XPR1: variants seen among roughly 807,000 people sequenced by gnomAD.
XPR1 encodes solute carrier family 53 member 1.
A neutral mutation model predicts 87.5 loss-of-function variants in XPR1; 28 were observed. The observed-to-expected ratio is 0.32, with a 90% CI of 0.24 to 0.44. The LOEUF (loss-of-function observed/expected upper bound fraction) is 0.44. Ranked by LOEUF, XPR1 falls within the 20% of genes least tolerant of loss-of-function variation. The pLI is 1.00. For synonymous variants in XPR1, 300 were observed against 306.1 expected (o/e 0.98, Z 0.21); for missense variants, 559 against 862.3 (o/e 0.65, Z 4.41).
At chr1:180,797,772 G>A (rs1163116119) in intron 3 of XPR1, among the ~76,000 whole-genome samples, 1 of 151,980 alleles carries the variant, frequency 6.6e-6, no homozygotes, top group Non-Finnish European at 1.5e-5. Flanking sequence ...ATTTTTTCAG[G>A]TAGCTTCTAA....
chr1:180,738,586 C>CCA (rs1170361823), intron 2 of XPR1, among the ~76,000 whole-genome samples: 1 of 152,118 alleles, frequency 6.6e-6, no homozygotes, highest in Non-Finnish European at 1.5e-5. Context: ...AGTTATGTAA[C>CCA]CATCACAATC....
At chr1:180,689,301 T>A (rs1330678264) in intron 2 of XPR1, among the ~76,000 whole-genome samples, 1 of 152,166 alleles carries the variant, frequency 6.6e-6, no homozygotes, top group African/African-American at 2.4e-5. Context: ...AAAAAATGAC[T>A]TTGCATTTTT....
chr1:180,773,556 G>A (rs1392843127), intron 2 of XPR1, among the ~76,000 whole-genome samples: 1 of 152,028 alleles, frequency 6.6e-6, no homozygotes, highest in African/African-American at 2.4e-5. Context: ...ATGTAAAATT[G>A]TACTCATACT....
rs1373233471 is a variant in XPR1 at position 180,782,127 on chromosome 1, ATTC to A, written c.122-5623_122-5621del. On this transcript the variant is annotated intron_variant, in intron 2 of 14. Transcript: ENST00000367590. ...TCTCTAAGACAGTGTTCTCAAAGTC[ATTC>A]TTTACCTGTTTTTTATTTTTTTTCT... is the stretch of plus-strand genomic sequence containing the variant. Among the ~76,000 whole-genome samples the A allele has an allele frequency of 4.9e-4, 75 of 151,586 alleles. 2 individuals are homozygous for A. Among genetic ancestry groups the A allele is most frequent in the Non-Finnish European group, 1.1e-3 (74 of 67,738 alleles).
intron 2 of XPR1, among the ~76,000 whole-genome samples, chr1:180,766,793 T>G (rs1430035564): frequency 6.6e-6 from 1 of 152,186 alleles, no homozygotes; most frequent in East Asian, 1.9e-4. Context: ...TTTTTATGCC[T>G]TATTATTTCT....
intron 5 of XPR1, 70 bp downstream of exon 5, chr1:180,806,281 A>G: frequency 6.4e-7 from 1 of 1,572,382 alleles, no homozygotes; most frequent in South Asian, 1.2e-5. Flanking sequence ...GCAATTCCTT[A>G]TTTCTGTTAT....
At chr1:180,876,646 AAAG>A (rs1652672602) in intron 13 of XPR1, among the ~76,000 whole-genome samples, 1 of 146,026 alleles carries the variant, frequency 6.8e-6, no homozygotes, top group African/African-American at 2.8e-5. Context: ...AAAAAAAAAA[AAAG>A]AAAGAAACCT....
At chr1:180,850,605 C>T (rs2102189070) in intron 11 of XPR1, among the ~76,000 whole-genome samples, 1 of 152,052 alleles carries the variant, frequency 6.6e-6, no homozygotes, top group East Asian at 1.9e-4. Context: ...AGTTTCTGCC[C>T]ATATGTATGT....
chr1:180,699,122 C>A (rs1031925660), intron 2 of XPR1, among the ~76,000 whole-genome samples: 4 of 151,654 alleles, frequency 2.6e-5, no homozygotes, highest in Non-Finnish European at 5.9e-5. Context: ...ATCATTTCAC[C>A]TTCTGGGATT....
At chr1:180,636,624 A>G (rs1654784523) in intron 1 of XPR1, among the ~76,000 whole-genome samples, 1 of 152,200 alleles carries the variant, frequency 6.6e-6, no homozygotes, top group African/African-American at 2.4e-5. Flanking sequence ...CCTAGCTTCA[A>G]ATTCAGTCCT....
intron 3 of XPR1, among the ~76,000 whole-genome samples, chr1:180,793,883 C>G (rs1367778374): frequency 6.6e-6 from 1 of 152,042 alleles, no homozygotes; most frequent in East Asian, 1.9e-4. Context: ...CCTTCTGTCT[C>G]TCTCCTATTT....
intron 1 of XPR1, among the ~76,000 whole-genome samples, chr1:180,663,631 T>C (rs554881535): frequency 2.6e-5 from 4 of 152,306 alleles, no homozygotes; most frequent in African/African-American, 9.6e-5. Context: ...AGGACTGCTA[T>C]AACCACCACC....
rs1652939380 is a variant in XPR1 at position 180,884,391 on chromosome 1, G to A, written c.*325G>A. Reference sequence around the variant, plus strand: ...AGATACCTATCAGGATGAAGAACAGGCATTGCAAGGACCCTCTGATGGGAC... The same window carrying A: ...AGATACCTATCAGGATGAAGAACAGACATTGCAAGGACCCTCTGATGGGAC... On this transcript the variant is annotated 3_prime_UTR_variant, in exon 15 of 15. Coordinates refer to ENST00000367590, the MANE Select transcript of XPR1 (RefSeq NM_004736.4). The A allele has an allele frequency of 5.0e-6, 1 of 200,466 alleles. No homozygotes were observed. The highest frequency in any genetic ancestry group is 1.0e-4 in the South Asian group (1 of 9,730). 12.4% of individuals were successfully genotyped at this position (200,466 alleles called of 1,614,324 possible). A position where few individuals can be genotyped will look rare whatever the true frequency, so the allele number is the denominator to read the frequency against.
At chr1:180,812,792 G>C (rs1650267598) in intron 7 of XPR1, among the ~76,000 whole-genome samples, 1 of 151,910 alleles carries the variant, frequency 6.6e-6, no homozygotes, top group Admixed American at 6.6e-5. Flanking sequence ...GGGATTACAG[G>C]CACACACCAC....
At chr1:180,833,775 TTCTC>T (rs1651164341) in intron 9 of XPR1, among the ~76,000 whole-genome samples, 1 of 152,212 alleles carries the variant, frequency 6.6e-6, no homozygotes, top group South Asian at 2.1e-4. Context: ...ATTAAAATAT[TTCTC>T]TCCAAATCCA....
intron 6 of XPR1, 45 bp from the exon 7 acceptor site, chr1:180,811,362 A>G (rs1157307402): frequency 2.8e-6 from 4 of 1,444,544 alleles, no homozygotes; most frequent in South Asian, 2.3e-5. Context: ...AGTAAATACA[A>G]TCAGTGTTTT....
intron 11 of XPR1, among the ~76,000 whole-genome samples, chr1:180,844,742 T>A (rs2102181152): frequency 6.6e-6 from 1 of 152,308 alleles, no homozygotes; most frequent in South Asian, 2.1e-4. Context: ...TGGGTTTGGG[T>A]CTATTTCATG....
intron 2 of XPR1, among the ~76,000 whole-genome samples, chr1:180,734,766 T>C (rs1658671907): frequency 6.6e-6 from 1 of 152,158 alleles, no homozygotes; most frequent in Non-Finnish European, 1.5e-5. Context: ...GAACCTACCA[T>C]GAAGATTGGT....
chr1:180,634,217 A>G (rs958680011), intron 1 of XPR1, among the ~76,000 whole-genome samples: 2 of 152,192 alleles, frequency 1.3e-5, no homozygotes, highest in South Asian at 2.1e-4. Flanking sequence ...TGTCTGCATT[A>G]TCTTTCTCAG....
Sources: allele counts gnomAD v4.1 joint callset (sites outside exome capture counted in the v4.1 genomes callset), GRCh38; gene constraint gnomAD v4.1.1; transcripts MANE v1.5; gene names NCBI Gene and HGNC (gene_info 2026-07-23, HGNC 2026-07-21).